RAD51B: variants seen among roughly 807,000 people sequenced by gnomAD.
The protein encoded by RAD51B is RAD51 paralog B, also known as DNA repair protein RAD51 homolog 2.
RAD51B carries 38 observed loss-of-function variants against 42.2 expected under a neutral mutation model. That is an observed-to-expected ratio of 0.90 (90% CI 0.70 to 1.18). RAD51B has a LOEUF of 1.18. Among genes scored for constraint, RAD51B ranks in the 50% most tolerant of loss-of-function variants. The pLI is 0.00. For missense variants in RAD51B, 373 were observed against 400.7 expected (o/e 0.93, Z 0.59); for synonymous variants, 154 against 145.2 (o/e 1.06, Z -0.43).
intron 7 of RAD51B, among the ~76,000 whole-genome samples, chr14:68,234,980 T>C (rs1454987068): frequency 1.3e-5 from 2 of 152,130 alleles, no homozygotes; most frequent in African/African-American, 2.4e-5. Flanking sequence ...AAACAGGAGA[T>C]ATATGAGGCT....
intron 8 of RAD51B, among the ~76,000 whole-genome samples, chr14:68,343,843 G>C (rs1244014243): frequency 2.6e-5 from 4 of 152,282 alleles, no homozygotes; most frequent in Non-Finnish European, 4.4e-5. Context: ...TCCAGCTCCA[G>C]CTCAAAGGGC....
chr14:68,507,975 C>T (rs1566919082), intron 10 of RAD51B, among the ~76,000 whole-genome samples: 1 of 152,106 alleles, frequency 6.6e-6, no homozygotes, highest in African/African-American at 2.4e-5. Context: ...TTTGTACCGT[C>T]GGAAGCAGAG....
intron 7 of RAD51B, among the ~76,000 whole-genome samples, chr14:68,016,870 TC>T (rs1430312527): frequency 7.2e-5 from 11 of 152,222 alleles, no homozygotes; most frequent in African/African-American, 2.7e-4. Context: ...TTAAGTGACT[TC>T]TTTGAAGACT....
At chr14:68,146,542 T>A (rs1053129454) in intron 7 of RAD51B, among the ~76,000 whole-genome samples, 5 of 152,090 alleles carry the variant, frequency 3.3e-5, no homozygotes, top group Admixed American at 2.6e-4. Flanking sequence ...CTGGAATGCC[T>A]TGAGTTTGAA....
intron 9 of RAD51B, among the ~76,000 whole-genome samples, chr14:68,425,054 C>T (rs1040789290): frequency 1.2e-4 from 18 of 152,208 alleles, no homozygotes; most frequent in African/African-American, 3.4e-4. Context: ...AGATTACAGG[C>T]ATGAGCCACA....
intron 9 of RAD51B, chr14:68,421,627 C>T (rs552901183): frequency 4.9e-5 from 60 of 1,233,434 alleles, no homozygotes; most frequent in Non-Finnish European, 6.7e-5. Flanking sequence ...TGCGAGCAAA[C>T]GGGGTGGAGG....
chr14:67,943,468 T>C (rs929830450), intron 7 of RAD51B, among the ~76,000 whole-genome samples: 19 of 152,120 alleles, frequency 1.2e-4, no homozygotes, highest in African/African-American at 4.3e-4. Flanking sequence ...GGATAAAAAA[T>C]ACGATAGGCA....
At chr14:68,338,613 G>A in intron 8 of RAD51B, 1 of 290,942 alleles carries the variant, frequency 3.4e-6, no homozygotes. Context: ...AAGTTTGGAG[G>A]CTATTTAGCT....
chr14:67,897,871 C>T (rs993784995), intron 7 of RAD51B, among the ~76,000 whole-genome samples: 2 of 152,060 alleles, frequency 1.3e-5, no homozygotes, highest in East Asian at 1.9e-4. Flanking sequence ...AGGCTGATCT[C>T]GAACTCCTGA....
chr14:68,162,090 G>T (rs572261943), intron 7 of RAD51B, among the ~76,000 whole-genome samples: 50 of 152,248 alleles, frequency 3.3e-4, no homozygotes, highest in Non-Finnish European at 5.1e-4. Flanking sequence ...CAATTTCTCG[G>T]CTGTTACTAT....
At chr14:68,347,311 C>T (rs1007475891) in intron 8 of RAD51B, among the ~76,000 whole-genome samples, 4 of 152,226 alleles carry the variant, frequency 2.6e-5, no homozygotes, top group African/African-American at 9.6e-5. Flanking sequence ...CATTCCTTTA[C>T]TTCCTATCAG....
intron 7 of RAD51B, among the ~76,000 whole-genome samples, chr14:68,182,875 G>A (rs1459728234): frequency 2.0e-5 from 3 of 152,154 alleles, no homozygotes; most frequent in African/African-American, 7.2e-5. Flanking sequence ...CCTAGATTAG[G>A]GGCTTAATCT....
chr14:67,933,434 G>A (rs1488675179), intron 7 of RAD51B, among the ~76,000 whole-genome samples: 1 of 152,138 alleles, frequency 6.6e-6, no homozygotes, highest in Non-Finnish European at 1.5e-5. Context: ...TTAGGCCTTG[G>A]GGGTGTGACT....
In RAD51B at chr14:67,826,697, T is replaced by G. The variant is rs1485842168; in HGVS notation, c.198+1120T>G. ...CAGATATTTTCTTTCTTTTTTTTTT[T>G]TTTGAGATGAGGTCTGTCTCTATTT... On this transcript the variant is annotated intron_variant, in intron 3 of 10. Coordinates refer to ENST00000471583, the MANE Select transcript of RAD51B (RefSeq NM_133510.4). Among the ~76,000 whole-genome samples the G allele has an allele frequency of 2.6e-5, 4 of 152,208 alleles. No individual in the cohort carries two copies. The East Asian group carries it at 7.7e-4, about 29-fold the overall frequency.
chr14:67,965,628 A>T lies in RAD51B; in HGVS notation c.756+78424A>T, dbSNP rs148709863. Among the ~76,000 whole-genome samples the T allele has an allele frequency of 9.4e-4, 143 of 152,004 alleles. 1 individual carries two copies. Among genetic ancestry groups the T allele is most frequent in the African/African-American group, 3.2e-3 (132 of 41,488 alleles). On this transcript the variant is annotated intron_variant, in intron 7 of 10. Transcript: ENST00000471583. ...TTATTCTCATCTCATTACCTGCCATAATTTCCCCCTTACCGTATTTCCCAT... is the reference window on the plus strand; with the variant it reads ...TTATTCTCATCTCATTACCTGCCATTATTTCCCCCTTACCGTATTTCCCAT...
At chr14:67,999,648 A>G (rs1387289985) in intron 7 of RAD51B, among the ~76,000 whole-genome samples, 3 of 152,236 alleles carry the variant, frequency 2.0e-5, no homozygotes, top group Admixed American at 6.5e-5. Context: ...ATAGTACGTT[A>G]TAGGACTTCT....
At chr14:68,589,048 C>T (rs973190785) in intron 10 of RAD51B, among the ~76,000 whole-genome samples, 2 of 152,126 alleles carry the variant, frequency 1.3e-5, no homozygotes, top group Non-Finnish European at 2.9e-5. Context: ...CCTCTCTAAG[C>T]CTCAGTTTCC....
intron 10 of RAD51B, among the ~76,000 whole-genome samples, chr14:68,548,253 G>C (rs1418680313): frequency 1.3e-5 from 2 of 152,114 alleles, no homozygotes; most frequent in Non-Finnish European, 2.9e-5. Flanking sequence ...CCCTGCCTGG[G>C]ACTGTCCTCA....
intron 10 of RAD51B, among the ~76,000 whole-genome samples, chr14:68,631,964 A>G (rs7152382): frequency 0.17 from 25,782 of 152,130 alleles, 2,418 homozygotes; most frequent in Admixed American, 0.21. Flanking sequence ...AGGAGCCCTC[A>G]GTGAGGGTTT....
Sources: gnomAD v4.1 joint callset for allele counts (sites outside exome capture counted in the v4.1 genomes callset) on GRCh38, gnomAD v4.1.1 for gene constraint, MANE v1.5 for transcripts, NCBI Gene and HGNC (gene_info 2026-07-23, HGNC 2026-07-21) for gene names.